ATRNL1: variants seen among roughly 807,000 people sequenced by gnomAD.
ATRNL1 encodes the protein attractin like 1.
A neutral mutation model predicts 182.7 loss-of-function variants in ATRNL1; 95 were observed. The ratio of observed to expected loss-of-function variants is 0.52; its 90% CI spans 0.44 to 0.62. The LOEUF is 0.62. Ranked by LOEUF, ATRNL1 falls within the 20% of genes least tolerant of loss-of-function variation. ATRNL1 has a pLI of 0.00. For synonymous variants in ATRNL1, 576 were observed against 568.3 expected (o/e 1.01, Z -0.19); for missense variants, 1,471 against 1,679.5 (o/e 0.88, Z 2.17).
intron 28 of ATRNL1, among the ~76,000 whole-genome samples, chr10:115,922,925 GTGA>G (rs1953110394): frequency 6.6e-6 from 1 of 152,140 alleles, no homozygotes; most frequent in South Asian, 2.1e-4. Flanking sequence ...CCCATGCATG[GTGA>G]GGTAGTAGAT....
chr10:115,148,168 C>G (rs1240457652), intron 5 of ATRNL1, among the ~76,000 whole-genome samples: 17 of 152,028 alleles, frequency 1.1e-4, no homozygotes, highest in African/African-American at 4.1e-4. Flanking sequence ...TGTCCACATG[C>G]TTGGTTAAAT....
In ATRNL1 at chr10:115,739,423, A is replaced by G. The variant is rs138491347; in HGVS notation, c.3903+12068A>G. Among the ~76,000 whole-genome samples the G allele has an allele frequency of 2.7e-3, 413 of 152,312 alleles. 2 individuals are homozygous for G. The highest frequency in any genetic ancestry group is 9.3e-3 in the African/African-American group (388 of 41,582). On this transcript the variant is annotated intron_variant, in intron 27 of 28. Transcript: ENST00000355044. ...TATAGCTTTGGATAAACAAGACTGA[A>G]TTGCCAACACTGTCCTCCACCCTTC...
rs1856755189 is a variant in ATRNL1 at position 115,361,668 on chromosome 10, T to C, written c.3175+27249T>C. On this transcript the variant is annotated intron_variant, in intron 19 of 28. Transcript: ENST00000355044. ...AGAAAAATTGGACATGGGCTGGATT[T>C]GGACCCCATATCATAGTTTAGTGAC... 2.0e-5 allele frequency among the ~76,000 whole-genome samples: 3 copies of C among 152,106 alleles called. No homozygotes were observed. The South Asian group carries it at 6.2e-4, about 31-fold the overall frequency.
At chr10:115,758,208 C>A (rs746586843) in intron 27 of ATRNL1, among the ~76,000 whole-genome samples, 1 of 151,906 alleles carries the variant, frequency 6.6e-6, no homozygotes, top group Non-Finnish European at 1.5e-5. Context: ...CCTTTGCTGG[C>A]GAGAAGTTGT....
intron 3 of ATRNL1, 91 bp from the exon 4 acceptor site, chr10:115,127,502 A>G (rs1845023931): frequency 1.9e-6 from 2 of 1,080,148 alleles, no homozygotes; most frequent in South Asian, 1.6e-5. Context: ...AGCATTACTG[A>G]TCCTGGTAAG....
chr10:115,610,543 T>C (rs1203567937), intron 26 of ATRNL1, among the ~76,000 whole-genome samples: 3 of 152,212 alleles, frequency 2.0e-5, no homozygotes, highest in African/African-American at 7.2e-5. Context: ...ATTTTGGTTA[T>C]GATTAACCTT....
At chr10:115,122,558 A>T (rs147259351) in intron 3 of ATRNL1, among the ~76,000 whole-genome samples, 38 of 152,114 alleles carry the variant, frequency 2.5e-4, no homozygotes, top group African/African-American at 6.7e-4. Context: ...TCATTGCTGG[A>T]AATTTAAGTA....
At chr10:115,570,519 A>C (rs1348108647) in intron 26 of ATRNL1, among the ~76,000 whole-genome samples, 1 of 152,152 alleles carries the variant, frequency 6.6e-6, no homozygotes, top group South Asian at 2.1e-4. Context: ...GCTTACTTCA[A>C]GTTTACAAAG....
At chr10:115,498,684 A>T (rs1849671090) in intron 24 of ATRNL1, among the ~76,000 whole-genome samples, 1 of 151,880 alleles carries the variant, frequency 6.6e-6, no homozygotes, top group East Asian at 1.9e-4. Context: ...AATATACAAA[A>T]TATAAATATG....
At chr10:115,138,184 T>A (rs1554877155) in intron 5 of ATRNL1, among the ~76,000 whole-genome samples, 2 of 152,176 alleles carry the variant, frequency 1.3e-5, no homozygotes, top group South Asian at 2.1e-4. Flanking sequence ...TTTGCAGGGT[T>A]TAGTCCCACC....
intron 27 of ATRNL1, among the ~76,000 whole-genome samples, chr10:115,766,017 A>G (rs1948851213): frequency 6.6e-6 from 1 of 152,080 alleles, no homozygotes; most frequent in African/African-American, 2.4e-5. Context: ...CATCTAACAT[A>G]CTATGTATTT....
At position 115,487,373 on chromosome 10, in the gene ATRNL1, C is replaced by T. The variant is rs61880975; in HGVS notation, c.3654+18044C>T. 3.7e-3 allele frequency among the ~76,000 whole-genome samples: 569 copies of T among 152,156 alleles called. 2 individuals are homozygous for T. The highest frequency in any genetic ancestry group is 6.4e-3 in the Non-Finnish European group (435 of 67,990). On this transcript the variant is annotated intron_variant, in intron 24 of 28. Coordinates refer to ENST00000355044, the MANE Select transcript of ATRNL1 (RefSeq NM_207303.4). ...CAAGACTGATTCTTCCTATCAATGACCATGGAATGTTTTTCCATTTGTTTG... is the reference window on the plus strand; with the variant it reads ...CAAGACTGATTCTTCCTATCAATGATCATGGAATGTTTTTCCATTTGTTTG...
intron 13 of ATRNL1, among the ~76,000 whole-genome samples, chr10:115,272,564 C>T (rs190213934): frequency 7.2e-5 from 11 of 152,294 alleles, no homozygotes; most frequent in Middle Eastern, 3.4e-3. Flanking sequence ...AGAAAAATTT[C>T]GCTAATGAAT....
chr10:115,258,575 A>G (rs2587461), intron 10 of ATRNL1, among the ~76,000 whole-genome samples: 109,834 of 151,862 alleles, frequency 0.72, 40,631 homozygotes, highest in African/African-American at 0.81. Context: ...CCTTTAGCTC[A>G]GAGAATTTTG....
chr10:115,321,670 G>T (rs1215196359), intron 18 of ATRNL1, among the ~76,000 whole-genome samples: 3 of 109,600 alleles, frequency 2.7e-5, no homozygotes, highest in Non-Finnish European at 4.2e-5. Context: ...AAAGGTGAAA[G>T]CTTTTTTTTT....
At chr10:115,217,191 C>T (rs182258265) in intron 9 of ATRNL1, among the ~76,000 whole-genome samples, 2 of 152,100 alleles carry the variant, frequency 1.3e-5, no homozygotes, top group African/African-American at 2.4e-5. Flanking sequence ...CACGTTCAAG[C>T]GATTCTCCTG....
At chr10:115,185,346 T>C (rs534869801) in intron 8 of ATRNL1, among the ~76,000 whole-genome samples, 1 of 152,030 alleles carries the variant, frequency 6.6e-6, no homozygotes, top group South Asian at 2.1e-4. Flanking sequence ...AAAGTAAAGA[T>C]AAGCCAAGTA....
intron 28 of ATRNL1, among the ~76,000 whole-genome samples, chr10:115,853,013 C>A (rs1157751948): frequency 3.3e-5 from 5 of 152,116 alleles, no homozygotes; most frequent in Admixed American, 2.0e-4. Flanking sequence ...AGCAATGTGA[C>A]CATGGGCAAG....
In ATRNL1 at chr10:115,328,823, A is replaced by G. The variant is rs752432460; in HGVS notation, c.3038-5459A>G. ...TCATTGTGTGCATGTGTGTATGTGTATTTATTTGTTTATTCACACTTTCTT... is the reference window on the plus strand; with the variant it reads ...TCATTGTGTGCATGTGTGTATGTGTGTTTATTTGTTTATTCACACTTTCTT... On this transcript the variant is annotated intron_variant, in intron 18 of 28. Transcript: ENST00000355044. Among the ~76,000 whole-genome samples, 6 of 151,558 alleles carry G rather than the reference A, an allele frequency of 4.0e-5. No homozygotes were observed. In the East Asian group the frequency reaches 5.8e-4, roughly 15 times the overall value.
Sources: allele counts gnomAD v4.1 joint callset (sites outside exome capture counted in the v4.1 genomes callset), GRCh38; gene constraint gnomAD v4.1.1; transcripts MANE v1.5; gene names NCBI Gene and HGNC (gene_info 2026-07-23, HGNC 2026-07-21).